The following UPP2 variants were observed in gnomAD, a reference collection of about 807,000 sequenced individuals.
UPP2 encodes uridine phosphorylase 2.
Under a neutral mutation model 26.7 loss-of-function variants are expected in UPP2, and 23 were observed. That is an observed-to-expected ratio of 0.86 (90% confidence interval 0.62 to 1.22). The LOEUF is 1.22. Among genes scored for constraint, UPP2 ranks in the 50% most tolerant of loss-of-function variants. The probability of loss-of-function intolerance (pLI) is 0.00; values close to 1 mark genes in which losing one functional copy is unlikely to be tolerated. For missense variants in UPP2, 387 were observed against 396.7 expected, an observed-to-expected ratio of 0.98 and a Z score of 0.21; for synonymous variants, 127 against 141.3, an observed-to-expected ratio of 0.90 and a Z score of 0.72.
intron 3 of UPP2, among the ~76,000 whole-genome samples, chr2:158,027,118 C>T (rs1419421763): frequency 6.6e-6 from 1 of 152,128 alleles, no homozygotes; most frequent in Admixed American, 6.6e-5. Context: ...ATCTCATGTC[C>T]TCACATTTCA....
At chr2:158,031,729 G>T (rs1182565433) in intron 3 of UPP2, among the ~76,000 whole-genome samples, 5 of 152,294 alleles carry the variant, frequency 3.3e-5, no homozygotes, top group East Asian at 1.9e-4. Context: ...CCATCAGAAG[G>T]CTATGAAATA....
At chr2:158,072,849 T>C (rs1277205302) in intron 3 of UPP2, among the ~76,000 whole-genome samples, 1 of 152,122 alleles carries the variant, frequency 6.6e-6, no homozygotes, top group Non-Finnish European at 1.5e-5. Context: ...GGAAAGCCTT[T>C]CCAAGAAAGA....
At chr2:158,016,897 G>A (rs1683668302) in intron 3 of UPP2, among the ~76,000 whole-genome samples, 1 of 152,084 alleles carries the variant, frequency 6.6e-6, no homozygotes, top group Non-Finnish European at 1.5e-5. Context: ...AGGAAGAATT[G>A]GTGACTTGAT....
chr2:158,038,614 A>G (rs552762716), intron 3 of UPP2, among the ~76,000 whole-genome samples: 3 of 152,222 alleles, frequency 2.0e-5, no homozygotes, highest in Non-Finnish European at 2.9e-5. Flanking sequence ...TTTTTATTGC[A>G]GAGAAAGAAA....
chr2:158,020,920 A>G (rs1295815811), intron 3 of UPP2, among the ~76,000 whole-genome samples: 1 of 152,206 alleles, frequency 6.6e-6, no homozygotes, highest in Non-Finnish European at 1.5e-5. Flanking sequence ...TGTTAGTGCA[A>G]TGGAAAATGA....
Position 158,123,741 on chromosome 2 carries a change from C to T in UPP2, c.665-8C>T, listed in dbSNP as rs1386245349. ...TCAAGTCACTAAACGTTCTCCCCTCCCTTTCAGGCCAAGGCCGACTAGATG... is the reference window on the plus strand; with the variant it reads ...TCAAGTCACTAAACGTTCTCCCCTCTCTTTCAGGCCAAGGCCGACTAGATG... On this transcript the variant is annotated splice_region_variant and splice_polypyrimidine_tract_variant and intron_variant, in intron 5 of 6. Transcript: ENST00000005756. The T allele has an allele frequency of 8.7e-6, 14 of 1,612,330 alleles. No homozygotes were observed. The highest frequency in any genetic ancestry group is 1.1e-5 in the Non-Finnish European group (13 of 1,179,120).
intron 2 of UPP2, among the ~76,000 whole-genome samples, chr2:158,009,516 G>A (rs1212029647): frequency 1.3e-5 from 2 of 152,218 alleles, no homozygotes; most frequent in Non-Finnish European, 2.9e-5. Context: ...GGGAGTCTGT[G>A]TGCAGATGAA....
chr2:158,004,231 T>C (rs1446524372), intron 2 of UPP2, among the ~76,000 whole-genome samples: 1 of 152,200 alleles, frequency 6.6e-6, no homozygotes. Context: ...ATATTACTTT[T>C]ATAATTAGAA....
intron 2 of UPP2, among the ~76,000 whole-genome samples, chr2:158,110,633 A>G (rs1211367518): frequency 6.6e-6 from 1 of 152,172 alleles, no homozygotes. Context: ...TCCCACCAAC[A>G]GTGTAAAAGT....
intron 3 of UPP2, among the ~76,000 whole-genome samples, chr2:158,049,883 A>G (rs909393361): frequency 6.6e-6 from 1 of 152,138 alleles, no homozygotes; most frequent in Non-Finnish European, 1.5e-5. Context: ...CCTGTTGACA[A>G]TTTTTCACTT....
At chr2:158,080,043 C>T (rs369337066) in intron 3 of UPP2, among the ~76,000 whole-genome samples, 60 of 152,082 alleles carry the variant, frequency 3.9e-4, no homozygotes, top group African/African-American at 1.3e-3. Context: ...CTTGACTCTC[C>T]GGAATTTCCC....
chr2:158,074,690 T>TACACATACAC (rs372083360), intron 3 of UPP2, among the ~76,000 whole-genome samples: 36 of 135,404 alleles, frequency 2.7e-4, no homozygotes, highest in African/African-American at 8.2e-4. Context: ...AAGACCTTCA[T>TACACATACAC]ACACACACAC....
At chr2:158,060,606 A>G (rs542434073) in intron 3 of UPP2, among the ~76,000 whole-genome samples, 2 of 152,330 alleles carry the variant, frequency 1.3e-5, no homozygotes, top group Admixed American at 6.5e-5. Flanking sequence ...GGTTTGTGCT[A>G]TGGACTAAAC....
rs555246226 is a variant in UPP2, at chr2:158,071,921, G to GACTCCT, written c.148-30118_148-30113dup. Among the ~76,000 whole-genome samples the GACTCCT allele has an allele frequency of 3.4e-3, 511 of 152,206 alleles. 6 individuals carry two copies. Among genetic ancestry groups the GACTCCT allele is most frequent in the African/African-American group, 0.012 (488 of 41,518 alleles). On this transcript the variant is annotated intron_variant, in intron 3 of 9. Transcript: ENST00000605860. Reference sequence around the variant, plus strand: ...CCCAGCTGCAGCGACTACTATGAAAGACTCCTTCTGCTTGAGAAAAGCAGA... The same window carrying GACTCCT: ...CCCAGCTGCAGCGACTACTATGAAAGACTCCTACTCCTTCTGCTTGAGAAAAGCAGA...
intron 6 of UPP2, among the ~76,000 whole-genome samples, chr2:158,129,088 C>G (rs1282641345): frequency 1.3e-5 from 2 of 152,040 alleles, no homozygotes; most frequent in African/African-American, 2.4e-5. Context: ...ATTCCACCCT[C>G]CTAGCCTCTA....
chr2:158,086,423 T>C (rs1468042315), intron 3 of UPP2, among the ~76,000 whole-genome samples: 2 of 152,092 alleles, frequency 1.3e-5, no homozygotes, highest in Non-Finnish European at 2.9e-5. Flanking sequence ...TCAATTTTAT[T>C]TATCTTTTCA....
intron 6 of UPP2, among the ~76,000 whole-genome samples, chr2:158,133,078 T>C (rs1683857868): frequency 6.6e-6 from 1 of 152,226 alleles, no homozygotes; most frequent in African/African-American, 2.4e-5. Flanking sequence ...CCCAAGTTTG[T>C]TGCAGCATTA....
chr2:158,037,782 G>A (rs760343941), intron 3 of UPP2, among the ~76,000 whole-genome samples: 3 of 136,184 alleles, frequency 2.2e-5, no homozygotes, highest in Non-Finnish European at 3.0e-5. Flanking sequence ...CATCTGCAAC[G>A]ACCCTATTTC....
At chr2:158,099,172 A>C (rs868591133), upstream of UPP2, among the ~76,000 whole-genome samples, 1 of 152,248 alleles carries the variant, frequency 6.6e-6, no homozygotes, top group African/African-American at 2.4e-5. Flanking sequence ...GGAAGAAAAG[A>C]AGCAAGAACT....
Sources: allele counts gnomAD v4.1 joint callset (sites outside exome capture counted in the v4.1 genomes callset), GRCh38; gene constraint gnomAD v4.1.1; transcripts MANE v1.5; gene names NCBI Gene and HGNC (gene_info 2026-07-23, HGNC 2026-07-21).